Variants in GPC5 observed in about 807,000 individuals in gnomAD.
The protein encoded by GPC5 is glypican-5.
In GPC5, 47 loss-of-function variants were observed where a neutral mutation model predicts 53.9. The observed-to-expected ratio is 0.87, with a 90% confidence interval of 0.69 to 1.11. The LOEUF (loss-of-function observed/expected upper bound fraction) is 1.11. Ranked by LOEUF, GPC5 falls within the 50% of genes most tolerant of loss-of-function variation. The probability of loss-of-function intolerance (pLI) is 0.00; values close to 1 mark genes in which losing one functional copy is unlikely to be tolerated. For missense variants in GPC5, 748 were observed against 713.1 expected (o/e 1.05, Z -0.56); for synonymous variants, 286 against 263.3 (o/e 1.09, Z -0.84).
chr13:91,701,187 C>G (rs757657088), intron 3 of GPC5, among the ~76,000 whole-genome samples: 3 of 151,988 alleles, frequency 2.0e-5, no homozygotes, highest in Non-Finnish European at 2.9e-5. Flanking sequence ...TATCCTTCAC[C>G]TCATGTACAC....
intron 7 of GPC5, among the ~76,000 whole-genome samples, chr13:92,579,311 CT>C: frequency 8.4e-6 from 1 of 118,606 alleles, no homozygotes; most frequent in Non-Finnish European, 1.7e-5. Flanking sequence ...CCCTCCCTCC[CT>C]CCCTCCCTCC....
chr13:92,259,496 T>C (rs750036436), intron 7 of GPC5, among the ~76,000 whole-genome samples: 4 of 152,156 alleles, frequency 2.6e-5, no homozygotes, highest in Non-Finnish European at 4.4e-5. Flanking sequence ...ATAATAAAAT[T>C]CCTTCAGTTG....
intron 7 of GPC5, among the ~76,000 whole-genome samples, chr13:92,370,661 T>G (rs916239968): frequency 6.6e-6 from 1 of 152,304 alleles, no homozygotes; most frequent in East Asian, 1.9e-4. Flanking sequence ...ACTAGGGATT[T>G]GTTTAGATGT....
At chr13:92,569,140 A>C (rs1372850342) in intron 7 of GPC5, among the ~76,000 whole-genome samples, 1 of 125,562 alleles carries the variant, frequency 8.0e-6, no homozygotes, top group East Asian at 2.4e-4. Flanking sequence ...ATGTGTTCTC[A>C]TTGTTCAATT....
chr13:92,457,669 A>G (rs1594217554), intron 7 of GPC5, among the ~76,000 whole-genome samples: 1 of 152,300 alleles, frequency 6.6e-6, no homozygotes, highest in East Asian at 1.9e-4. Flanking sequence ...TCGCTAGCTC[A>G]AATTTAGCCT....
Position 91,830,778 on chromosome 13 carries a change from A to AAT in GPC5, c.1280+74368_1280+74369dup, listed in dbSNP as rs1036653916. On this transcript the variant is annotated intron_variant, in intron 5 of 7. Transcript: ENST00000377067. ...CATATATATATCCTATTATATATAA[A>AAT]ATATATATATACTATTATATATATA... Among the ~76,000 whole-genome samples, 81 of 123,316 alleles carry AAT rather than the reference A, an allele frequency of 6.6e-4. 1 individual carries two copies. The highest frequency in any genetic ancestry group is 1.1e-3 in the Non-Finnish European group (63 of 57,892). The allele number at this position is 123,316 out of a possible 152,430, so 80.9% of individuals were successfully genotyped here. A position where few individuals can be genotyped will look rare whatever the true frequency, so the allele number is the denominator to read the frequency against.
chr13:92,832,715 C>A (rs1017549724), intron 7 of GPC5, among the ~76,000 whole-genome samples: 1 of 152,088 alleles, frequency 6.6e-6, no homozygotes, highest in Non-Finnish European at 1.5e-5. Flanking sequence ...TCCAAAAATA[C>A]CCACAATTTT....
intron 2 of GPC5, among the ~76,000 whole-genome samples, chr13:91,600,495 C>T (rs550917270): frequency 6.9e-4 from 105 of 151,644 alleles, no homozygotes; most frequent in African/African-American, 2.3e-3. Flanking sequence ...AAAAAATGTA[C>T]ATCATAAATA....
At chr13:91,465,426 T>C (rs954027953) in intron 2 of GPC5, among the ~76,000 whole-genome samples, 1 of 152,214 alleles carries the variant, frequency 6.6e-6, no homozygotes, top group East Asian at 1.9e-4. Flanking sequence ...TCATGTAGCC[T>C]TCTGTGTCTG....
chr13:92,332,832 C>T (rs548408474), intron 7 of GPC5, among the ~76,000 whole-genome samples: 81 of 152,084 alleles, frequency 5.3e-4, no homozygotes, highest in Non-Finnish European at 1.1e-3. Context: ...ACTTTCTTTT[C>T]CTAGAACATT....
chr13:92,728,878 T>C (rs1486234712), intron 7 of GPC5, among the ~76,000 whole-genome samples: 1 of 151,372 alleles, frequency 6.6e-6, no homozygotes, highest in African/African-American at 2.4e-5. Context: ...GAACTGGAAA[T>C]AGTACATTTA....
chr13:91,545,408 T>G (rs1390260814), intron 2 of GPC5, among the ~76,000 whole-genome samples: 1 of 152,206 alleles, frequency 6.6e-6, no homozygotes, highest in Admixed American at 6.5e-5. Context: ...ACCCATCTTT[T>G]GGTTTTAAGT....
chr13:92,340,439 G>A (rs1356121571), intron 7 of GPC5: 2 of 152,082 alleles, frequency 1.3e-5, no homozygotes, highest in African/African-American at 4.8e-5. Context: ...ATCCGGGCTG[G>A]TCTTGAACTC....
At position 91,744,635 on chromosome 13, in the gene GPC5, G is replaced by A. The variant is rs570864798; in HGVS notation, c.1155-11660G>A. On this transcript the variant is annotated intron_variant, in intron 4 of 7. Coordinates refer to ENST00000377067, the MANE Select transcript of GPC5 (RefSeq NM_004466.6). Reference sequence around the variant, plus strand: ...GATAAAAGAAGGAAGAATAAAGAAGGCTTTTCATTGGCAGATTATTAAAGG... The same window carrying A: ...GATAAAAGAAGGAAGAATAAAGAAGACTTTTCATTGGCAGATTATTAAAGG... 2.6e-3 allele frequency among the ~76,000 whole-genome samples: 395 copies of A among 152,198 alleles called. 1 individual carries two copies. The highest frequency in any genetic ancestry group is 9.2e-3 in the African/African-American group (383 of 41,538).
chr13:92,004,071 G>T (rs1043554912), intron 6 of GPC5, among the ~76,000 whole-genome samples: 11 of 152,088 alleles, frequency 7.2e-5, no homozygotes, highest in Admixed American at 1.3e-4. Context: ...TTTTCCTATA[G>T]AATATTTCTC....
chr13:92,751,098 T>A lies in GPC5; in HGVS notation c.1562-115184T>A, dbSNP rs554640268. On this transcript the variant is annotated intron_variant, in intron 7 of 7. Transcript: ENST00000377067. ...TGAAAAATTGATATATATAAACCTT[T>A]TTACTAAACCATAACACAATTCATC... Among the ~76,000 whole-genome samples, 16 of 152,014 alleles carry A rather than the reference T, an allele frequency of 1.1e-4. No homozygotes were observed. In the South Asian group the frequency reaches 3.3e-3, roughly 32 times the overall value.
At chr13:92,702,679 A>G (rs1171018945) in intron 7 of GPC5, among the ~76,000 whole-genome samples, 1 of 152,000 alleles carries the variant, frequency 6.6e-6, no homozygotes, top group Non-Finnish European at 1.5e-5. Context: ...TGGTTCTTAT[A>G]CTTCGGTCCA....
intron 7 of GPC5, among the ~76,000 whole-genome samples, chr13:92,685,445 T>A (rs1043170654): frequency 2.0e-5 from 3 of 152,092 alleles, no homozygotes; most frequent in African/African-American, 7.2e-5. Flanking sequence ...TACCACATTT[T>A]TCCACATATA....
chr13:92,035,898 A>T (rs953954562), intron 6 of GPC5, among the ~76,000 whole-genome samples: 3 of 152,162 alleles, frequency 2.0e-5, no homozygotes. Flanking sequence ...AAGACTTTCC[A>T]AATTGCCAAT....
Sources: gnomAD v4.1 joint callset for allele counts (sites outside exome capture counted in the v4.1 genomes callset) on GRCh38, gnomAD v4.1.1 for gene constraint, MANE v1.5 for transcripts, NCBI Gene and HGNC (gene_info 2026-07-23, HGNC 2026-07-21) for gene names.